Variants in NUP54 observed in about 807,000 individuals in gnomAD.
NUP54 encodes the protein nucleoporin p54.
In NUP54, 27 loss-of-function variants were observed where a neutral mutation model predicts 66.4. That is an observed-to-expected ratio of 0.41 (90% CI 0.30 to 0.56). The LOEUF (loss-of-function observed/expected upper bound fraction) is 0.56. Ranked by LOEUF, NUP54 falls within the 20% of genes least tolerant of loss-of-function variation. NUP54 has a pLI of 0.34. For missense variants in NUP54, 486 were observed against 596.3 expected (o/e 0.82, Z 1.93); for synonymous variants, 206 against 210.7 (o/e 0.98, Z 0.19).
At chr4:76,140,285 G>GTTTTT (rs35963995) in intron 3 of NUP54, among the ~76,000 whole-genome samples, 2 of 130,184 alleles carry the variant, frequency 1.5e-5, no homozygotes, top group Non-Finnish European at 3.2e-5. Context: ...TTTCTCTTTG[G>GTTTTT]TTTTTTTTTT....
chr4:76,140,325 A>G (rs1731215359), intron 3 of NUP54, among the ~76,000 whole-genome samples: 1 of 140,024 alleles, frequency 7.1e-6, no homozygotes, highest in African/African-American at 2.7e-5. Context: ...TTGCTCTGTC[A>G]CCCAGGCTGG....
In NUP54 at chr4:76,115,471, G is replaced by A; in HGVS notation, c.1419C>T (p.Gly473=). 2.5e-6 allele frequency: 4 copies of A among 1,606,750 alleles called. No homozygotes were observed. Among genetic ancestry groups the A allele is most frequent in the Non-Finnish European group, 3.4e-6 (4 of 1,177,416 alleles). Residue 473 remains glycine (G), a synonymous_variant, in exon 12 of 12, where the codon GGC becomes GGT. Coordinates refer to ENST00000264883, the MANE Select transcript of NUP54 (RefSeq NM_017426.4). ...IKQHLKQQQE[G]LSHLISIIKD... ...TAATGATGCTAATCAAATGGCTAAG[G>A]CCTTCCTGTTGTTGTTTCAAATGCT...
intron 5 of NUP54, 152 bp downstream of exon 5, chr4:76,134,023 A>C (rs1730925385): frequency 2.0e-6 from 1 of 505,610 alleles, no homozygotes; most frequent in Non-Finnish European, 3.3e-6. Flanking sequence ...TTTTAAATAA[A>C]TGTTTTTATC....
At position 76,148,339 on chromosome 4, in the gene NUP54, G is replaced by A. The variant is rs1731605828; in HGVS notation, c.36C>T (p.Ser12=). Residue 12 remains serine, a synonymous_variant, in exon 1 of 12, where the codon TCC becomes TCT. Transcript: ENST00000264883. ...GGGCCGCGGTGGCTGCAGCGGTACC[G>A]GAGGTGCCCGAGGGAGCCCCAAAAT... ...AFNFGAPSGT[S]GTAAATAAPA... 1.9e-6 allele frequency: 3 copies of A among 1,546,262 alleles called. No individual in the cohort carries two copies. Among genetic ancestry groups the A allele is most frequent in the Non-Finnish European group, 1.7e-6 (2 of 1,146,460 alleles).
intron 1 of NUP54, chr4:76,145,477 T>C (rs763658806): frequency 1.5e-5 from 11 of 757,868 alleles, no homozygotes; most frequent in Non-Finnish European, 2.0e-5. Flanking sequence ...TTAATTTATG[T>C]CTAAATTAAC....
Position 76,135,066 on chromosome 4 carries a change from G to A in NUP54, c.523-704C>T, listed in dbSNP as rs556748725. On this transcript the variant is annotated intron_variant, in intron 4 of 11. Transcript: ENST00000264883. Reference sequence around the variant, plus strand: ...GGAGTATCTGTATATCTGATTCATGGAATCTTAAACTAAGTTTTAAATATA... The same window carrying A: ...GGAGTATCTGTATATCTGATTCATGAAATCTTAAACTAAGTTTTAAATATA... 1.2e-4 allele frequency among the ~76,000 whole-genome samples: 18 copies of A among 152,174 alleles called. No homozygotes were observed. In the East Asian group the frequency reaches 2.5e-3, roughly 21 times the overall value.
At chr4:76,126,701 A>T (rs1477173809) in intron 8 of NUP54, among the ~76,000 whole-genome samples, 4 of 152,262 alleles carry the variant, frequency 2.6e-5, no homozygotes, top group Non-Finnish European at 5.9e-5. Context: ...TGAGATTTTA[A>T]AAGGGAATAT....
chr4:76,144,316 C>T (rs201322982), intron 2 of NUP54, 24 bp from the exon 3 acceptor site: 123 of 1,553,206 alleles, frequency 7.9e-5, no homozygotes, highest in Non-Finnish European at 9.8e-5. Context: ...ATTGGAACTT[C>T]GTAAGTTAAA....
At chr4:76,125,865 G>GGAGGGA (rs1730515125) in intron 8 of NUP54, among the ~76,000 whole-genome samples, 2 of 90,046 alleles carry the variant, frequency 2.2e-5, no homozygotes, top group Non-Finnish European at 4.2e-5. Context: ...GGAGGGGGAG[G>GGAGGGA]GAGAGAGAGA....
At position 76,124,772 on chromosome 4, in the gene NUP54, TTGGG is replaced by T; in HGVS notation, c.1057-20_1057-17del. 1.9e-6 allele frequency: 1 copy of T among 533,934 alleles called. No individual in the cohort carries two copies. The highest frequency in any genetic ancestry group is 4.5e-4 in the Middle Eastern group (1 of 2,232). The allele number at this position is 533,934 out of a possible 1,614,324, so 33.1% of individuals were successfully genotyped here. A position where few individuals can be genotyped will look rare whatever the true frequency, so the allele number is the denominator to read the frequency against. ...CAGATATGATCTGTTTAAAAAAAAA[TTGGG>T]GGGGGGAGGGTTAATCAAATATCAC... On this transcript the variant is annotated splice_polypyrimidine_tract_variant and intron_variant, in intron 8 of 11. Transcript: ENST00000264883.
intron 3 of NUP54, among the ~76,000 whole-genome samples, chr4:76,136,811 C>T (rs1456805714): frequency 3.9e-5 from 6 of 152,114 alleles, no homozygotes; most frequent in African/African-American, 1.4e-4. Context: ...CTAGAAGTAA[C>T]GCAGTACTGC....
At chr4:76,117,999 C>T in intron 10 of NUP54, 76 bp downstream of exon 10, 1 of 1,457,344 alleles carries the variant, frequency 6.9e-7, no homozygotes, top group Middle Eastern at 1.8e-4. Flanking sequence ...AAAATTCCTG[C>T]TTGAAGATTA....
intron 3 of NUP54, among the ~76,000 whole-genome samples, chr4:76,137,871 C>A (rs1731103978): frequency 1.3e-5 from 2 of 151,904 alleles, no homozygotes; most frequent in Non-Finnish European, 2.9e-5. Flanking sequence ...ACTAATTTTC[C>A]ACTTATAGCA....
rs1043951062 is a variant in NUP54 at position 76,115,489 on chromosome 4, C to T, written c.1401G>A (p.Leu467=). Residue 467 remains leucine (L), a synonymous_variant, in exon 12 of 12, where the codon TTG becomes TTA. Coordinates refer to ENST00000264883, the MANE Select transcript of NUP54 (RefSeq NM_017426.4). ...ADLLREIKQH[L]KQQQEGLSHL... is the part of the protein sequence containing the mutation. The stretch of plus-strand genomic sequence containing the variant: ...GGCTAAGGCCTTCCTGTTGTTGTTT[C>T]AAATGCTAGAACAAATTAAGAAACA... 2.5e-6 allele frequency: 4 copies of T among 1,598,432 alleles called. No individual in the cohort carries two copies. The African/African-American group carries it at 5.4e-5, about 22-fold the overall frequency.
chr4:76,117,558 T>C (rs1730005731), intron 11 of NUP54, 106 bp downstream of exon 11: 2 of 698,578 alleles, frequency 2.9e-6, no homozygotes, highest in African/African-American at 3.6e-5. Context: ...AGTTCCAATT[T>C]CTCCACATTC....
At chr4:76,127,402 A>G (rs1730587569) in intron 8 of NUP54, among the ~76,000 whole-genome samples, 2 of 138,288 alleles carry the variant, frequency 1.4e-5, no homozygotes, top group Admixed American at 7.9e-5. Context: ...ACTGCACTCC[A>G]GCCTGGGCGA....
chr4:76,125,874 GAGAC>G (rs1351863104), intron 8 of NUP54, among the ~76,000 whole-genome samples: 9 of 146,928 alleles, frequency 6.1e-5, no homozygotes, highest in South Asian at 4.4e-4. Flanking sequence ...GGGAGAGAGA[GAGAC>G]AGAGAGAGAG....
intron 4 of NUP54, among the ~76,000 whole-genome samples, chr4:76,134,596 TGA>T (rs1382152504): frequency 8.7e-6 from 1 of 115,086 alleles, no homozygotes; most frequent in Non-Finnish European, 2.0e-5. Flanking sequence ...ATTTCCTCTT[TGA>T]GAGAGTAACT....
At chr4:76,131,413 C>T (rs1288452886) in intron 6 of NUP54, 129 bp from the exon 7 acceptor site, 2 of 532,410 alleles carry the variant, frequency 3.8e-6, no homozygotes, top group South Asian at 7.0e-5. Context: ...CAAATATAAT[C>T]ATGGTAAAAA....
Sources: allele counts gnomAD v4.1 joint callset (sites outside exome capture counted in the v4.1 genomes callset), GRCh38; gene constraint gnomAD v4.1.1; transcripts MANE v1.5; gene names NCBI Gene and HGNC (gene_info 2026-07-23, HGNC 2026-07-21).